ERAP1: variants seen among roughly 807,000 people sequenced by gnomAD.
ERAP1 encodes the protein adipocyte-derived leucine aminopeptidase.
A neutral mutation model predicts 103.7 loss-of-function variants in ERAP1; 86 were observed. The observed-to-expected ratio is 0.83, with a 90% CI of 0.70 to 0.99. The LOEUF (loss-of-function observed/expected upper bound fraction) is 0.99. ERAP1 is among the 50% of genes least tolerant of loss of function. ERAP1 has a pLI of 0.00. For missense variants in ERAP1, 1,009 were observed against 1,128.4 expected, an observed-to-expected ratio of 0.89 and a Z score of 1.52; for synonymous variants, 398 against 402.4, an observed-to-expected ratio of 0.99 and a Z score of 0.13.
chr5:96,837,505 C>T, the ERAP1 span, among the ~76,000 whole-genome samples: 18 of 152,310 alleles, frequency 1.2e-4, no homozygotes, highest in South Asian at 3.7e-3. Context: ...TGCGTTCTAC[C>T]CCTCGTGGGA....
chr5:96,763,104 G>A, exon 20 of ERAP1: 1 of 777,408 alleles, frequency 1.3e-6, no homozygotes, highest in Non-Finnish European at 2.4e-6. Context: ...GCTAGATGGA[G>A]ATGAAGTAAC....
chr5:96,909,849 CT>C, the ERAP1 span: 1 of 1,358,414 alleles, frequency 7.4e-7, no homozygotes, highest in Non-Finnish European at 1.0e-6. Flanking sequence ...GGTCTAAAAC[CT>C]TTTAGTGAGG....
chr5:96,889,531 G>A, the ERAP1 span: 18 of 696,540 alleles, frequency 2.6e-5, no homozygotes, highest in African/African-American at 1.4e-4. Flanking sequence ...CAGGTTTAAC[G>A]TTAACATATC....
At chr5:96,870,711 A>G in the ERAP1 span, among the ~76,000 whole-genome samples, 3 of 152,190 alleles carry the variant, frequency 2.0e-5, no homozygotes, top group African/African-American at 4.8e-5. Flanking sequence ...TTTTATTACT[A>G]TGCTATTGAG....
chr5:96,918,032 T>G, the ERAP1 span: 1 of 152,466 alleles, frequency 6.6e-6, no homozygotes, highest in African/African-American at 2.4e-5. Context: ...GCTGTGGATA[T>G]TTTGTCTAAC....
chr5:96,822,277 T>C, the ERAP1 span, among the ~76,000 whole-genome samples: 5 of 152,350 alleles, frequency 3.3e-5, no homozygotes, highest in South Asian at 1.0e-3. Flanking sequence ...ATTTGTTTTT[T>C]GTATTGTCGT....
At chr5:96,883,723 G>A in the ERAP1 span, 26 of 1,495,612 alleles carry the variant, frequency 1.7e-5, no homozygotes, top group South Asian at 2.5e-4. Context: ...GCTGTTTGCT[G>A]AATGTACAGA....
Position 96,790,606 on chromosome 5 carries a change from C to G in ERAP1, c.1358G>C (p.Ser453Thr). The change falls in exon 9 of 19, where the codon AGT becomes ACT. Residue 453 changes from serine (S) to threonine (T), a missense_variant. Ser to Thr is a moderately conservative substitution (Grantham distance 58, BLOSUM62 1). This residue lies in a region of ERAP1 where 611 missense variants were observed against 651.7 expected (regional missense o/e 0.94). Coordinates refer to ENST00000443439, the MANE Select transcript of ERAP1 (RefSeq NM_001040458.3). ...AATACCACTTTTAAATGCGTCAGCA[C>G]TAAGATACTCCCTTAGCATATTCAG... ...CILNMLREYL[S>T]ADAFKSGIVQ... is the part of the protein sequence containing the mutation. 1 of 1,610,872 alleles carries G rather than the reference C, an allele frequency of 6.2e-7. No homozygotes were observed. The highest frequency in any genetic ancestry group is 1.7e-4 in the Middle Eastern group (1 of 6,058).
chr5:96,768,375 C>T (rs762984409), intron 19 of ERAP1: 7 of 456,982 alleles, frequency 1.5e-5, no homozygotes, highest in South Asian at 6.3e-5. Context: ...TGAGCCACTG[C>T]GCCTGGCCCT....
intron 7 of ERAP1, among the ~76,000 whole-genome samples, chr5:96,793,068 C>A (rs1274873090): frequency 6.6e-6 from 1 of 152,076 alleles, no homozygotes; most frequent in Non-Finnish European, 1.5e-5. Context: ...TAATCTGTAC[C>A]TAATAATTCT....
At chr5:96,828,856 T>C in the ERAP1 span, among the ~76,000 whole-genome samples, 2 of 152,156 alleles carry the variant, frequency 1.3e-5, no homozygotes, top group Non-Finnish European at 2.9e-5. Context: ...TTTTTTTTTA[T>C]TATTTTTTTG....
the ERAP1 span, chr5:96,910,326 C>T: frequency 6.6e-6 from 1 of 151,362 alleles, no homozygotes; most frequent in African/African-American, 2.4e-5. Flanking sequence ...TAACTTCTCT[C>T]GCTATAACTA....
At chr5:96,927,383 A>T in the ERAP1 span, among the ~76,000 whole-genome samples, 1 of 151,968 alleles carries the variant, frequency 6.6e-6, no homozygotes, top group African/African-American at 2.4e-5. Flanking sequence ...TTTGGATTTG[A>T]TTTGCTTTTC....
At chr5:96,762,957 T>G in exon 20 of ERAP1, 1 of 568,614 alleles carries the variant, frequency 1.8e-6, no homozygotes, top group Non-Finnish European at 3.2e-6. Flanking sequence ...GGACCAAAGC[T>G]TTTCCAGACT....
At chr5:96,816,870 T>C in the ERAP1 span, among the ~76,000 whole-genome samples, 1 of 152,188 alleles carries the variant, frequency 6.6e-6, no homozygotes, top group Non-Finnish European at 1.5e-5. Flanking sequence ...CCTCCATGTC[T>C]GTGTGCCTAT....
chr5:96,770,953 T>C (rs1399367282), downstream of ERAP1, among the ~76,000 whole-genome samples: 3 of 152,098 alleles, frequency 2.0e-5, no homozygotes, highest in African/African-American at 7.2e-5. Flanking sequence ...CAAGCTGTGA[T>C]GAGAAATGAA....
the ERAP1 span, among the ~76,000 whole-genome samples, chr5:96,891,357 G>GTA: frequency 4.7e-5 from 5 of 106,368 alleles, no homozygotes; most frequent in Admixed American, 1.1e-4. Flanking sequence ...ATATGTGTGT[G>GTA]TATATATATA....
chr5:96,859,323 G>A, the ERAP1 span, among the ~76,000 whole-genome samples: 2 of 152,118 alleles, frequency 1.3e-5, no homozygotes, highest in Non-Finnish European at 2.9e-5. Context: ...AAACACAGCA[G>A]GGGGCCACAT....
chr5:96,777,580 A>G (rs1774518604), intron 18 of ERAP1, among the ~76,000 whole-genome samples: 1 of 150,712 alleles, frequency 6.6e-6, no homozygotes, highest in African/African-American at 2.4e-5. Flanking sequence ...CTCCTGCTGT[A>G]GCAACCTGGA....
Sources: allele counts gnomAD v4.1 joint callset (sites outside exome capture counted in the v4.1 genomes callset), GRCh38; gene constraint gnomAD v4.1.1; regional missense constraint gnomAD v4.1.1; transcripts MANE v1.5; gene names NCBI Gene and HGNC (gene_info 2026-07-23, HGNC 2026-07-21).